SF3A2: variants seen among roughly 807,000 people sequenced by gnomAD.
SF3A2 encodes the protein SAP 62.
In SF3A2, 5 loss-of-function variants were observed where a neutral mutation model predicts 31.1. The observed-to-expected ratio is 0.16, with a 90% CI of 0.08 to 0.34. The LOEUF (loss-of-function observed/expected upper bound fraction) is 0.34, where lower values mean the gene tolerates loss of function less well. Ranked by LOEUF, SF3A2 falls within the 10% of genes least tolerant of loss-of-function variation. The pLI is 1.00. For missense variants in SF3A2, 577 were observed against 643.9 expected, an observed-to-expected ratio of 0.90 and a Z score of 1.13; for synonymous variants, 365 against 263.7, an observed-to-expected ratio of 1.38 and a Z score of -3.72.
rs1568389709 is a variant in SF3A2, at chr19:2,246,192, G to T, written c.356-561G>T. On this transcript the variant is annotated intron_variant, in intron 5 of 8. Coordinates refer to ENST00000221494, the MANE Select transcript of SF3A2 (RefSeq NM_007165.5). The surrounding 1 kb of genome is among the most constrained non-coding windows in gnomAD (Gnocchi z 5.5). ...AGGGTGGCTAGAGCGGCAGGCTCCT[G>T]GTGGGGAGGCCCTGACAGGTCCTGG... 6.6e-6 allele frequency among the ~76,000 whole-genome samples: 1 copy of T among 152,150 alleles called. No homozygotes were observed. The highest frequency in any genetic ancestry group is 1.5e-5 in the Non-Finnish European group (1 of 68,020).
intron 1 of SF3A2, among the ~76,000 whole-genome samples, chr19:2,240,721 C>G (rs2024881748): frequency 6.6e-6 from 1 of 152,232 alleles, no homozygotes. Context: ...AGCATTTTGC[C>G]ATCTAAGTTC....
At chr19:2,247,220 T>A (rs1042373867) in intron 7 of SF3A2, 198 bp downstream of exon 7, 12 of 77,440 alleles carry the variant, frequency 1.5e-4, no homozygotes, top group African/African-American at 5.6e-4. Context: ...TGGGCTCCAC[T>A]GGGCCAATGA....
chr19:2,237,697 TGTTA>T (rs2024845128), intron 1 of SF3A2: 1 of 152,240 alleles, frequency 6.6e-6, no homozygotes, highest in Admixed American at 6.5e-5. Context: ...CATCTATACC[TGTTA>T]GTTGACTGGG....
chr19:2,248,563 C>G lies in SF3A2; in HGVS notation c.*17C>G, dbSNP rs776065229. 1 of 839,414 alleles carries G rather than the reference C, an allele frequency of 1.2e-6. No individual in the cohort carries two copies. The highest frequency in any genetic ancestry group is 3.7e-5 in the South Asian group (1 of 26,686). 52.0% of individuals were successfully genotyped at this position (839,414 alleles called of 1,614,324 possible). A position where few individuals can be genotyped will look rare whatever the true frequency, so the allele number is the denominator to read the frequency against. On this transcript the variant is annotated 3_prime_UTR_variant, in exon 9 of 9. Coordinates refer to ENST00000221494, the MANE Select transcript of SF3A2 (RefSeq NM_007165.5). ...ACCAACTGAGAAGCTGCTCCCTCCC[C>G]CAGCAAGCCCAGCGCCAGGTGCTCT...
chr19:2,245,059 G>A lies in SF3A2; in HGVS notation c.245+280G>A, dbSNP rs1297121473. 3 of 542,724 alleles carry A rather than the reference G, an allele frequency of 5.5e-6. No homozygotes were observed. The highest frequency in any genetic ancestry group is 4.4e-5 in the South Asian group (2 of 45,218). 33.6% of individuals were successfully genotyped at this position (542,724 alleles called of 1,614,324 possible). On this transcript the variant is annotated intron_variant, in intron 4 of 8. Coordinates refer to ENST00000221494, the MANE Select transcript of SF3A2 (RefSeq NM_007165.5). The surrounding 1 kb of genome is among the most constrained non-coding windows in gnomAD (Gnocchi z 4.2). The stretch of plus-strand genomic sequence containing the variant: ...AATTAGGCCAGGCATGGTGGCACAC[G>A]TCTGTAATCACAGCTACTATGGAGG...
At position 2,248,372 on chromosome 19, in the gene SF3A2, C is replaced by T. The variant is rs1215196435; in HGVS notation, c.1221C>T (p.Val407=). ...GGATGCACCCTCAGGCCCCGGGGGT[C>T]CACCCCCAACCTCCCGGGGTCCATC... ...APGMHPQAPG[V]HPQPPGVHPS... The change falls in exon 9 of 9, where the codon GTC becomes GTT. Residue 407 remains valine (V), a synonymous_variant. Coordinates refer to ENST00000221494, the MANE Select transcript of SF3A2 (RefSeq NM_007165.5). The T allele has an allele frequency of 7.2e-7, 1 of 1,380,060 alleles. No individual in the cohort carries two copies. Among genetic ancestry groups the T allele is most frequent in the Non-Finnish European group, 9.3e-7 (1 of 1,071,202 alleles). The allele number at this position is 1,380,060 out of a possible 1,614,324, so 85.5% of individuals were successfully genotyped here.
intron 7 of SF3A2, chr19:2,247,291 TC>T: frequency 1.8e-6 from 1 of 547,952 alleles, no homozygotes; most frequent in Non-Finnish European, 3.2e-6. Flanking sequence ...TGACCTCACT[TC>T]CTGGGCCAGG....
In SF3A2 at chr19:2,247,403, C is replaced by G. The variant is rs146457632; in HGVS notation, c.547-191C>G. Among the ~76,000 whole-genome samples, 29 of 152,280 alleles carry G rather than the reference C, an allele frequency of 1.9e-4. No individual in the cohort carries two copies. In the East Asian group the frequency reaches 5.6e-3, roughly 29 times the overall value. On this transcript the variant is annotated intron_variant, in intron 7 of 8. Transcript: ENST00000221494. ...GACTGCCCAGGGAGGGGGCCAACAG[C>G]GTGCTAGCATTGAGGCCAGGTCTGT...
chr19:2,241,976 C>T (rs2145009408), intron 1 of SF3A2, among the ~76,000 whole-genome samples: 1 of 152,282 alleles, frequency 6.6e-6, no homozygotes, highest in Non-Finnish European at 1.5e-5. Flanking sequence ...ATAAACTTGC[C>T]CAGGGAATAA....
chr19:2,241,306 C>G (rs2024886836), intron 1 of SF3A2, among the ~76,000 whole-genome samples: 1 of 152,212 alleles, frequency 6.6e-6, no homozygotes. Context: ...TCACACGTTC[C>G]CCCGAGCGAG....
Position 2,248,108 on chromosome 19 carries a change from C to A in SF3A2, c.957C>A (p.Ala319=), listed in dbSNP as rs1184394319. ...HPPAPGVHPP[A]PGVHPPTSGV... ...CAGCTCCTGGCGTCCATCCCCCAGC[C>A]CCTGGGGTCCACCCACCAACCTCTG... Residue 319 remains alanine (A), a synonymous_variant, in exon 9 of 9, where the codon GCC becomes GCA. Transcript: ENST00000221494. 7 of 1,169,862 alleles carry A rather than the reference C, an allele frequency of 6.0e-6. No individual in the cohort carries two copies. Among genetic ancestry groups the A allele is most frequent in the Non-Finnish European group, 7.4e-6 (6 of 809,126 alleles). 72.5% of individuals were successfully genotyped at this position (1,169,862 alleles called of 1,614,324 possible).
At position 2,248,224 on chromosome 19, in the gene SF3A2, A is replaced by G; in HGVS notation, c.1073A>G (p.His358Arg). 1 of 1,382,692 alleles carries G rather than the reference A, an allele frequency of 7.2e-7. No individual in the cohort carries two copies. The allele number at this position is 1,382,692 out of a possible 1,614,324, so 85.7% of individuals were successfully genotyped here. The change falls in exon 9 of 9, where the codon CAC becomes CGC. Residue 358 changes from histidine to arginine, a missense_variant. By Grantham distance (29) the His-to-Arg change is conservative. This residue lies in a region of SF3A2 where 462 missense variants were observed against 339.1 expected (regional missense o/e 1.36). Coordinates refer to ENST00000221494, the MANE Select transcript of SF3A2 (RefSeq NM_007165.5). ...GTCCACCCACCAGCCCCTGGGGTTC[A>G]CCCACCAGCCCCAGGGGTCCATCCT... Reference protein sequence around the residue: ...PGVHPPAPGVHPPAPGVHPPP... With the variant: ...PGVHPPAPGVRPPAPGVHPPP...
chr19:2,245,981 A>T lies in SF3A2; in HGVS notation c.355+426A>T. The T allele has an allele frequency of 5.1e-6, 1 of 197,978 alleles. No individual in the cohort carries two copies. The highest frequency in any genetic ancestry group is 1.0e-5 in the Non-Finnish European group (1 of 96,450). 12.3% of individuals were successfully genotyped at this position (197,978 alleles called of 1,614,324 possible). Reference sequence around the variant, plus strand: ...TCAGCAGTGGGAATGGCTAGAGGTGACCCCGGTTCAGAAAGCTGGGGAAGT... The same window carrying T: ...TCAGCAGTGGGAATGGCTAGAGGTGTCCCCGGTTCAGAAAGCTGGGGAAGT... On this transcript the variant is annotated intron_variant, in intron 5 of 8. Transcript: ENST00000221494. The surrounding 1 kb of genome is among the most constrained non-coding windows in gnomAD (Gnocchi z 4.2).
chr19:2,242,861 G>A (rs779080400), intron 1 of SF3A2, among the ~76,000 whole-genome samples: 11 of 152,170 alleles, frequency 7.2e-5, no homozygotes, highest in African/African-American at 1.7e-4. Flanking sequence ...GTGAGGATGC[G>A]AAGATCAGTG....
In SF3A2 at chr19:2,247,858, C is replaced by T. The variant is rs765287128; in HGVS notation, c.707C>T (p.Pro236Leu). Residue 236 changes from proline to leucine, a missense_variant, in exon 9 of 9, where the codon CCG (proline) becomes CTG (leucine). Transcript: ENST00000221494. Reference sequence around the variant, plus strand: ...CCTGGGGTGAAGCGGCCTCCACCCCCGCTGATGAACGGTCTGCCCCCTCGG... The same window carrying T: ...CCTGGGGTGAAGCGGCCTCCACCCCTGCTGATGAACGGTCTGCCCCCTCGG... ...GPPGVKRPPP[P>L]LMNGLPPRPP... 1.6e-5 allele frequency: 24 copies of T among 1,519,724 alleles called. No homozygotes were observed. Among genetic ancestry groups the T allele is most frequent in the South Asian group, 2.2e-5 (2 of 89,396 alleles). The allele number at this position is 1,519,724 out of a possible 1,614,324, so 94.1% of individuals were successfully genotyped here. A position where few individuals can be genotyped will look rare whatever the true frequency, so the allele number is the denominator to read the frequency against.
At chr19:2,241,090 C>T (rs1005619160) in intron 1 of SF3A2, among the ~76,000 whole-genome samples, 9 of 152,136 alleles carry the variant, frequency 5.9e-5, no homozygotes, top group African/African-American at 2.2e-4. Flanking sequence ...AGAGTAGGGG[C>T]GTGGTCCAGG....
At position 2,245,798 on chromosome 19, in the gene SF3A2, C is replaced by T. The variant is rs1599653622; in HGVS notation, c.355+243C>T. 1.8e-6 allele frequency: 1 copy of T among 548,806 alleles called. No individual in the cohort carries two copies. The highest frequency in any genetic ancestry group is 2.2e-5 in the South Asian group (1 of 44,726). The allele number at this position is 548,806 out of a possible 1,614,324, so 34.0% of individuals were successfully genotyped here. ...TCCCAGCTGAGCCACAGTCTGTGCC[C>T]TCCTGTCCGGGTCTTGTGGAAGCTT... On this transcript the variant is annotated intron_variant, in intron 5 of 8. Coordinates refer to ENST00000221494, the MANE Select transcript of SF3A2 (RefSeq NM_007165.5). The surrounding 1 kb of genome is among the most constrained non-coding windows in gnomAD (Gnocchi z 4.2).
chr19:2,244,708 C>G (rs1057420225), intron 3 of SF3A2, 25 bp from the exon 4 acceptor site: 9 of 1,613,798 alleles, frequency 5.6e-6, no homozygotes, highest in Non-Finnish European at 7.6e-6. Context: ...GGCCTCGAGT[C>G]ATGCGTGTTT....
chr19:2,244,008 A>C (rs1568388959), intron 2 of SF3A2, among the ~76,000 whole-genome samples: 1 of 152,130 alleles, frequency 6.6e-6, no homozygotes, highest in Admixed American at 6.5e-5. Flanking sequence ...AGATGAGGTC[A>C]TGGGTAGAGG....
Sources: gnomAD v4.1 joint callset for allele counts (sites outside exome capture counted in the v4.1 genomes callset) on GRCh38, gnomAD v4.1.1 for gene constraint, gnomAD v4.1.1 regional missense constraint, Gnocchi (gnomAD v3.1) non-coding constraint, MANE v1.5 for transcripts, NCBI Gene and HGNC (gene_info 2026-07-23, HGNC 2026-07-21) for gene names.